The following TTLL4 variants were observed in gnomAD, a reference collection of about 807,000 sequenced individuals.
TTLL4 encodes tubulin monoglutamylase TTLL4.
Under a neutral mutation model 122.7 loss-of-function variants are expected in TTLL4, and 85 were observed. The observed-to-expected ratio is 0.69, with a 90% confidence interval of 0.58 to 0.83. The LOEUF (loss-of-function observed/expected upper bound fraction) is 0.83. Ranked by LOEUF, TTLL4 falls within the 40% of genes least tolerant of loss-of-function variation. The pLI, the probability that TTLL4 is intolerant of heterozygous loss-of-function variation, is 0.00. For synonymous variants in TTLL4, 553 were observed against 563.0 expected (o/e 0.98, Z 0.25); for missense variants, 1,363 against 1,488.6 (o/e 0.92, Z 1.39).
chr2:218,711,383 T>C (rs1013538888), intron 1 of TTLL4, among the ~76,000 whole-genome samples: 3 of 152,234 alleles, frequency 2.0e-5, no homozygotes, highest in African/African-American at 7.2e-5. Context: ...CCTCTGGGTG[T>C]GAGCCCAAGC....
intron 3 of TTLL4, 66 bp from the exon 4 acceptor site, chr2:218,739,992 A>T: frequency 7.0e-7 from 1 of 1,426,050 alleles, no homozygotes; most frequent in Non-Finnish European, 9.8e-7. Context: ...TGATGAAGGA[A>T]TGAGAATCTA....
chr2:218,746,742 A>G (rs539811176), intron 8 of TTLL4: 219 of 511,648 alleles, frequency 4.3e-4, no homozygotes, highest in African/African-American at 3.9e-3. Flanking sequence ...GGTTTCATGG[A>G]TAAAGATGTA....
chr2:218,746,616 C>G, intron 8 of TTLL4: 1 of 358,746 alleles, frequency 2.8e-6, no homozygotes, highest in Non-Finnish European at 5.1e-6. Flanking sequence ...ACTGCACATT[C>G]CATTCTCCCA....
intron 12 of TTLL4, 58 bp downstream of exon 12, chr2:218,748,285 G>A (rs746099513): frequency 1.2e-6 from 2 of 1,603,490 alleles, no homozygotes; most frequent in Admixed American, 1.7e-5. Flanking sequence ...AGGGTTCTGG[G>A]GTTTTGGGAG....
chr2:218,737,662 T>C lies in TTLL4; in HGVS notation c.-15T>C. 1.9e-6 allele frequency: 3 copies of C among 1,566,962 alleles called. No individual in the cohort carries two copies. The highest frequency in any genetic ancestry group is 2.6e-6 in the Non-Finnish European group (3 of 1,155,912). On this transcript the variant is annotated 5_prime_UTR_variant, in exon 3 of 20. It removes an upstream start codon present in the reference 5' UTR. Coordinates refer to ENST00000392102, the MANE Select transcript of TTLL4 (RefSeq NM_014640.5). ...GCAAGGCCATGAGACCGTGTGGCCA[T>C]GATGTGGGCCCCTCATGGCCTCAGC...
rs866624893 is a variant in TTLL4 at position 218,753,244 on chromosome 2, T to C, written c.3258+59T>C. On this transcript the variant is annotated intron_variant, in intron 18 of 19. Coordinates refer to ENST00000392102, the MANE Select transcript of TTLL4 (RefSeq NM_014640.5). ...TCAGGCCCCTCCCTCCTCTGCCTTA[T>C]GAGTGCAGCAGGAGTTGGGTTGGTA... is the stretch of plus-strand genomic sequence containing the variant. The C allele has an allele frequency of 2.2e-5, 35 of 1,588,156 alleles. No homozygotes were observed. The Middle Eastern group carries it at 4.8e-3, about 218-fold the overall frequency.
chr2:218,752,854 T>G lies in TTLL4; in HGVS notation c.3068T>G (p.Phe1023Cys). The part of the protein sequence containing the change: ...MEDEFSRRGQ[F>C]ERIFPSHISS... ...GATGAGTTTTCTCGCCGTGGTCAGT[T>G]TGAACGAATTTTTCCTTCTCATATC... Residue 1023 changes from phenylalanine to cysteine, a missense_variant, in exon 17 of 20, where the codon TTT becomes TGT. By Grantham distance (205) the Phe-to-Cys change is radical. This residue lies in a region of TTLL4 where 596 missense variants were observed against 655.8 expected (regional missense o/e 0.91). Transcript: ENST00000392102. The G allele has an allele frequency of 1.2e-6, 2 of 1,614,210 alleles. No homozygotes were observed. Among genetic ancestry groups the G allele is most frequent in the Non-Finnish European group, 1.7e-6 (2 of 1,180,048 alleles).
chr2:218,729,749 A>T (rs1479308192), intron 2 of TTLL4, among the ~76,000 whole-genome samples: 19 of 72,598 alleles, frequency 2.6e-4, no homozygotes, highest in South Asian at 1.7e-3. Flanking sequence ...CTCTCTTTTT[A>T]AAAAAAAAAA....
intron 1 of TTLL4, among the ~76,000 whole-genome samples, chr2:218,721,671 C>T (rs1055483962): frequency 6.6e-6 from 1 of 152,106 alleles, no homozygotes; most frequent in Non-Finnish European, 1.5e-5. Context: ...CTGGTCATAG[C>T]TGTTGTAGAT....
At position 218,737,719 on chromosome 2, in the gene TTLL4, C is replaced by T. The variant is rs376884357; in HGVS notation, c.43C>T (p.Gln15Ter). The T allele has an allele frequency of 6.2e-7, 1 of 1,613,310 alleles. No homozygotes were observed. Among genetic ancestry groups the T allele is most frequent in the South Asian group, 1.1e-5 (1 of 90,944 alleles). ...GTQHYSIGLR[Q>*]KNSFKQSGPS... ...ACAGCACTATAGTATTGGCCTCCGC[C>T]AGAAAAACAGCTTCAAGCAGAGTGG... Residue 15 changes from glutamine to a stop codon, truncating the protein, a stop_gained, in exon 3 of 20, where the codon CAG becomes TAG. Coordinates refer to ENST00000392102, the MANE Select transcript of TTLL4 (RefSeq NM_014640.5). LOFTEE classifies it high-confidence loss of function.
chr2:218,742,137 T>A (rs1002951195), intron 5 of TTLL4, among the ~76,000 whole-genome samples: 17 of 151,914 alleles, frequency 1.1e-4, no homozygotes, highest in African/African-American at 2.2e-4. Flanking sequence ...TTAAAAAAAA[T>A]TTTTTTTGTA....
chr2:218,759,415 A>C (rs1943201663), downstream of TTLL4, among the ~76,000 whole-genome samples: 1 of 152,252 alleles, frequency 6.6e-6, no homozygotes, highest in African/African-American at 2.4e-5. Context: ...ATAAAAAAGG[A>C]ATAAATTGGT....
At position 218,739,046 on chromosome 2, in the gene TTLL4, C is replaced by A. The variant is rs539847238; in HGVS notation, c.1370C>A (p.Pro457His). 1.9e-6 allele frequency: 3 copies of A among 1,614,200 alleles called. No homozygotes were observed. The African/African-American group carries it at 4.0e-5, about 22-fold the overall frequency. The change falls in exon 3 of 20, where the codon CCT becomes CAT. Residue 457 changes from proline (P) to histidine (H), a missense_variant. By Grantham distance (77) the Pro-to-His change is moderately conservative. Around this residue, in one of 3 missense-constraint regions of TTLL4, gnomAD observed 760 missense variants for 808.4 expected, o/e 0.94. Transcript: ENST00000392102. ...GGCAAAGCTCCAGGTCCCCCTTTTC[C>A]TCAAACTCTTGGCATAGCCAACGTG... ...GEGKAPGPPF[P>H]QTLGIANVAT...
In TTLL4 at chr2:218,746,982, T is replaced by C. The variant is rs555567513; in HGVS notation, c.1975-21T>C. On this transcript the variant is annotated intron_variant, in intron 8 of 19. Coordinates refer to ENST00000392102, the MANE Select transcript of TTLL4 (RefSeq NM_014640.5). The stretch of plus-strand genomic sequence containing the variant: ...CCTCACCTCTGCCCTCTTCCTGCAC[T>C]CACCCTTTTCCCTTTTGTAGCTAAA... The C allele has an allele frequency of 4.3e-6, 7 of 1,611,558 alleles. No homozygotes were observed. In the African/African-American group the frequency reaches 8.0e-5, roughly 18 times the overall value.
chr2:218,713,009 T>C (rs1254839708), intron 1 of TTLL4, among the ~76,000 whole-genome samples: 1 of 152,160 alleles, frequency 6.6e-6, no homozygotes, highest in Admixed American at 6.6e-5. Flanking sequence ...TTTTAAGTTA[T>C]TTGGATAAAA....
downstream of TTLL4, among the ~76,000 whole-genome samples, chr2:218,758,027 A>G (rs1943185208): frequency 6.6e-6 from 1 of 152,140 alleles, no homozygotes; most frequent in South Asian, 2.1e-4. Context: ...TTGGCCTTTT[A>G]GAGTTCCCCC....
intron 2 of TTLL4, among the ~76,000 whole-genome samples, chr2:218,735,206 T>A (rs1168859676): frequency 6.6e-6 from 1 of 152,178 alleles, no homozygotes; most frequent in Non-Finnish European, 1.5e-5. Context: ...ATTACACTGT[T>A]AATCAGAATA....
chr2:218,733,459 C>G (rs1942434010), intron 2 of TTLL4, among the ~76,000 whole-genome samples: 2 of 152,148 alleles, frequency 1.3e-5, no homozygotes, highest in East Asian at 3.9e-4. Flanking sequence ...AACTCACTAT[C>G]ATGAGAACAG....
At position 218,754,516 on chromosome 2, in the gene TTLL4, G is replaced by C; in HGVS notation, c.*127G>C. ...CCTGTCCCTCCTCAGAGTATTTTTT[G>C]AAGTGGTTGCATTATAGAGATGGGT... On this transcript the variant is annotated 3_prime_UTR_variant, in exon 20 of 20. Transcript: ENST00000392102. 1 of 1,305,976 alleles carries C rather than the reference G, an allele frequency of 7.7e-7. No individual in the cohort carries two copies. The highest frequency in any genetic ancestry group is 1.4e-5 in the South Asian group (1 of 69,790). 80.9% of individuals were successfully genotyped at this position (1,305,976 alleles called of 1,614,324 possible). A position where few individuals can be genotyped will look rare whatever the true frequency, so the allele number is the denominator to read the frequency against.
Sources: gnomAD v4.1 joint callset for allele counts (sites outside exome capture counted in the v4.1 genomes callset) on GRCh38, gnomAD v4.1.1 for gene constraint, gnomAD v4.1.1 regional missense constraint, MANE v1.5 for transcripts, NCBI Gene and HGNC (gene_info 2026-07-23, HGNC 2026-07-21) for gene names.